ASIC2: variants seen among roughly 807,000 people sequenced by gnomAD.
ASIC2 encodes acid-sensing ion channel 2.
ASIC2 carries 25 observed loss-of-function variants against 57.3 expected under a neutral mutation model. The ratio of observed to expected loss-of-function variants is 0.44; its 90% CI spans 0.32 to 0.61. The LOEUF (loss-of-function observed/expected upper bound fraction) is 0.61, where lower values mean the gene tolerates loss of function less well. Ranked by LOEUF, ASIC2 falls within the 20% of genes least tolerant of loss-of-function variation. The probability of loss-of-function intolerance (pLI) is 0.06; values close to 1 mark genes in which losing one functional copy is unlikely to be tolerated. For missense variants in ASIC2, 641 were observed against 738.1 expected (o/e 0.87, Z 1.52); for synonymous variants, 319 against 307.5 (o/e 1.04, Z -0.39).
chr17:33,382,973 T>C (rs559941403), intron 1 of ASIC2, among the ~76,000 whole-genome samples: 426 of 152,284 alleles, frequency 2.8e-3, no homozygotes, highest in South Asian at 4.6e-3. Flanking sequence ...ATCTTTCTCC[T>C]GTCTTCACCT....
chr17:34,016,423 C>CAAAAAAAAAAAAAAAAAAAAAA (rs398041640), intron 1 of ASIC2, among the ~76,000 whole-genome samples: 2 of 41,450 alleles, frequency 4.8e-5, no homozygotes, highest in Non-Finnish European at 1.0e-4. Flanking sequence ...GACTCCGTCT[C>CAAAAAAAAAAAAAAAAAAAAAA]AAAAAAAAAA....
chr17:33,332,196 A>T (rs1433528262), intron 1 of ASIC2, among the ~76,000 whole-genome samples: 1 of 152,218 alleles, frequency 6.6e-6, no homozygotes, highest in Non-Finnish European at 1.5e-5. Context: ...TCTTGGTGCC[A>T]GGGAGGCTAA....
chr17:33,976,985 C>G (rs1905413975), intron 1 of ASIC2, among the ~76,000 whole-genome samples: 1 of 152,000 alleles, frequency 6.6e-6, no homozygotes, highest in Admixed American at 6.6e-5. Flanking sequence ...GTGGCGATGC[C>G]TCTGGAATGT....
At chr17:33,787,618 TA>T (rs151076243) in intron 1 of ASIC2, among the ~76,000 whole-genome samples, 6,438 of 152,256 alleles carry the variant, frequency 0.042, 173 homozygotes, top group Middle Eastern at 0.092. Flanking sequence ...GCCCTCAAAA[TA>T]TGTCCCAGCA....
intron 1 of ASIC2, among the ~76,000 whole-genome samples, chr17:33,144,348 G>A (rs1045638832): frequency 3.4e-4 from 52 of 152,146 alleles, no homozygotes; most frequent in African/African-American, 1.2e-3. Flanking sequence ...GAGAAAGAGA[G>A]AGAGCGGGTG....
chr17:34,064,081 CA>C (rs1300309744), intron 1 of ASIC2, among the ~76,000 whole-genome samples: 1 of 152,028 alleles, frequency 6.6e-6, no homozygotes, highest in African/African-American at 2.4e-5. Flanking sequence ...CAAGACTAAG[CA>C]AAAAGATCAA....
chr17:33,901,451 T>G (rs1915229237), intron 1 of ASIC2, among the ~76,000 whole-genome samples: 1 of 152,116 alleles, frequency 6.6e-6, no homozygotes, highest in Admixed American at 6.5e-5. Context: ...TGGGACTGAT[T>G]TTCTTCTTCC....
chr17:33,825,762 A>C, intron 1 of ASIC2, among the ~76,000 whole-genome samples: 1 of 152,254 alleles, frequency 6.6e-6, no homozygotes, highest in East Asian at 1.9e-4. Flanking sequence ...AATCACAAAG[A>C]AAAATTCTTG....
chr17:33,418,919 G>A (rs535292395), intron 1 of ASIC2, among the ~76,000 whole-genome samples: 52 of 151,340 alleles, frequency 3.4e-4, no homozygotes, highest in Non-Finnish European at 6.9e-4. Flanking sequence ...ACACGGACAC[G>A]GGGGAGGGGA....
chr17:33,775,920 G>A (rs745374996), intron 1 of ASIC2, among the ~76,000 whole-genome samples: 2 of 152,104 alleles, frequency 1.3e-5, no homozygotes, highest in African/African-American at 2.4e-5. Context: ...ATCACCTGAG[G>A]TCAGGAGTTC....
chr17:33,164,722 A>G (rs1254246535), intron 1 of ASIC2, among the ~76,000 whole-genome samples: 4 of 152,164 alleles, frequency 2.6e-5, no homozygotes, highest in Admixed American at 2.0e-4. Context: ...CCCACTTGTC[A>G]AGAATTCCTT....
In ASIC2 at chr17:34,067,266, T is replaced by C. The variant is rs369986226; in HGVS notation, c.555+88712A>G. 6.6e-5 allele frequency among the ~76,000 whole-genome samples: 10 copies of C among 152,298 alleles called. 1 individual carries two copies. Among genetic ancestry groups the C allele is most frequent in the African/African-American group, 2.4e-4 (10 of 41,576 alleles). On this transcript the variant is annotated intron_variant, in intron 1 of 9. Coordinates refer to the ASIC2 transcript ENST00000359872. ...AGTGGTAAGTGTTTACACAGAGGCCTGGGCATGTACAAGTATGGACTTCAG... is the reference window on the plus strand; with the variant it reads ...AGTGGTAAGTGTTTACACAGAGGCCCGGGCATGTACAAGTATGGACTTCAG...
intron 3 of ASIC2, among the ~76,000 whole-genome samples, chr17:33,059,188 T>C (rs1253713466): frequency 6.6e-6 from 1 of 152,204 alleles, no homozygotes; most frequent in African/African-American, 2.4e-5. Context: ...CTTTAGGTTC[T>C]AGGGTACATG....
At chr17:33,489,247 C>A (rs1416615073) in intron 1 of ASIC2, among the ~76,000 whole-genome samples, 2 of 152,196 alleles carry the variant, frequency 1.3e-5, no homozygotes, top group African/African-American at 4.8e-5. Context: ...CTGAGCCAGA[C>A]ACTGTGCTGA....
chr17:33,819,523 C>T (rs997821024), intron 1 of ASIC2, among the ~76,000 whole-genome samples: 12 of 152,188 alleles, frequency 7.9e-5, no homozygotes, highest in African/African-American at 2.9e-4. Flanking sequence ...TGGTCAAGGC[C>T]TGGGATGTGA....
intron 1 of ASIC2, among the ~76,000 whole-genome samples, chr17:34,055,448 C>T (rs988755084): frequency 3.3e-5 from 5 of 152,056 alleles, no homozygotes; most frequent in Admixed American, 6.6e-5. Flanking sequence ...AATTTACTTA[C>T]AATAAAATGT....
At chr17:33,251,040 T>C (rs917608007) in intron 1 of ASIC2, among the ~76,000 whole-genome samples, 2 of 152,238 alleles carry the variant, frequency 1.3e-5, no homozygotes, top group Non-Finnish European at 2.9e-5. Context: ...GATGTCAAAT[T>C]CGCTGCATAG....
intron 1 of ASIC2, among the ~76,000 whole-genome samples, chr17:33,618,754 T>G (rs762099557): frequency 1.3e-5 from 2 of 152,192 alleles, no homozygotes; most frequent in Admixed American, 1.3e-4. Context: ...CTCTTCATAT[T>G]TGTCTTTTCC....
At chr17:33,606,512 A>G (rs1304965365) in intron 1 of ASIC2, among the ~76,000 whole-genome samples, 3 of 152,166 alleles carry the variant, frequency 2.0e-5, no homozygotes, top group Non-Finnish European at 4.4e-5. Flanking sequence ...TTCAAGGCTA[A>G]GTCTTTAAAG....
Sources: gnomAD v4.1 joint callset for allele counts (sites outside exome capture counted in the v4.1 genomes callset) on GRCh38, gnomAD v4.1.1 for gene constraint, MANE v1.5 for transcripts, NCBI Gene and HGNC (gene_info 2026-07-23, HGNC 2026-07-21) for gene names.